Variants in CIAO1 observed in about 807,000 individuals in gnomAD.
CIAO1 encodes the protein cytosolic iron-sulfur assembly component 1.
In CIAO1, 32 loss-of-function variants were observed where a neutral mutation model predicts 43.1. That is an observed-to-expected ratio of 0.74 (90% CI 0.56 to 1.00). The LOEUF is 1.00. Among genes scored for constraint, CIAO1 ranks in the 50% least tolerant of loss-of-function variants. The probability of loss-of-function intolerance (pLI) is 0.00; values close to 1 mark genes in which losing one functional copy is unlikely to be tolerated. For missense variants in CIAO1, 415 were observed against 437.4 expected, an observed-to-expected ratio of 0.95 and a Z score of 0.46; for synonymous variants, 183 against 171.4, an observed-to-expected ratio of 1.07 and a Z score of -0.53.
rs1464676753 is a variant in CIAO1, at chr2:96,266,504, G to C, written c.139+15G>C. Reference sequence around the variant, plus strand: ...GGGCACGGAGGGTAAGGCCCAGCCTGGTTGCGCGGCCCTCAGCGCTGAGGG... The same window carrying C: ...GGGCACGGAGGGTAAGGCCCAGCCTCGTTGCGCGGCCCTCAGCGCTGAGGG... On this transcript the variant is annotated intron_variant, in intron 1 of 6. Transcript: ENST00000488633. 2.0e-6 allele frequency: 3 copies of C among 1,483,094 alleles called. No individual in the cohort carries two copies. In the Admixed American group the frequency reaches 6.2e-5, roughly 31 times the overall value. 91.9% of individuals were successfully genotyped at this position (1,483,094 alleles called of 1,614,324 possible).
Position 96,271,833 on chromosome 2 carries a change from A to C in CIAO1, c.*482A>C, listed in dbSNP as rs1170927686. On this transcript the variant is annotated 3_prime_UTR_variant, in exon 7 of 7. Coordinates refer to ENST00000488633, the MANE Select transcript of CIAO1 (RefSeq NM_004804.3). ...TTTGCATTTAAGACATCCAATCAAT[A>C]ATGAAGGAAATTTTTTTCTGAATGT... 1 of 155,318 alleles carries C rather than the reference A, an allele frequency of 6.4e-6. No homozygotes were observed. The highest frequency in any genetic ancestry group is 1.4e-5 in the Non-Finnish European group (1 of 70,156). The allele number at this position is 155,318 out of a possible 1,614,324, so 9.6% of individuals were successfully genotyped here.
chr2:96,267,603 C>T, intron 2 of CIAO1, 22 bp from the exon 3 acceptor site: 9 of 1,612,238 alleles, frequency 5.6e-6, no homozygotes, highest in Non-Finnish European at 7.6e-6. Context: ...TGTTAATTCT[C>T]ATTTTCTTTC....
In CIAO1 at chr2:96,271,339, T is replaced by G. The variant is rs1175477976; in HGVS notation, c.1008T>G (p.Pro336=). The G allele has an allele frequency of 6.2e-7, 1 of 1,613,886 alleles. No homozygotes were observed. The highest frequency in any genetic ancestry group is 2.2e-5 in the East Asian group (1 of 44,884). The change falls in exon 7 of 7, where the codon CCT becomes CCG. Residue 336 remains proline (P), a synonymous_variant. Transcript: ENST00000488633. ...TGGCCTTCTGGAAGTATCAGCGGCC[T>G]GAAGGCCTCTGAGCTACCTCGACTT... ...GEVAFWKYQR[P]EGL is the part of the protein sequence containing the mutation.
rs756996707 is a variant in CIAO1, at chr2:96,266,505, G to C, written c.139+16G>C. The C allele has an allele frequency of 2.7e-6, 4 of 1,482,436 alleles. No homozygotes were observed. In the South Asian group the frequency reaches 3.9e-5, roughly 14 times the overall value. The allele number at this position is 1,482,436 out of a possible 1,614,324, so 91.8% of individuals were successfully genotyped here. On this transcript the variant is annotated intron_variant, in intron 1 of 6. Transcript: ENST00000488633. ...GGCACGGAGGGTAAGGCCCAGCCTG[G>C]TTGCGCGGCCCTCAGCGCTGAGGGC... is the stretch of plus-strand genomic sequence containing the variant.
intron 2 of CIAO1, 53 bp downstream of exon 2, chr2:96,267,522 G>T: frequency 6.2e-7 from 1 of 1,610,488 alleles, no homozygotes. Context: ...CCCAGGGCTG[G>T]TTCAGGAACC....
Position 96,273,313 on chromosome 2 carries a change from A to G in CIAO1, c.*1962A>G, listed in dbSNP as rs1374808335. On this transcript the variant is annotated 3_prime_UTR_variant, in exon 7 of 7. Coordinates refer to ENST00000488633, the MANE Select transcript of CIAO1 (RefSeq NM_004804.3). ...AAGACAGGCCAGTGGATTTTAATGT[A>G]TTAACAATATAAGAGTGCATTAAGT... 1 of 152,238 alleles carries G rather than the reference A, an allele frequency of 6.6e-6. No homozygotes were observed. The highest frequency in any genetic ancestry group is 6.5e-5 in the Admixed American group (1 of 15,284). 9.4% of individuals were successfully genotyped at this position (152,238 alleles called of 1,614,324 possible).
At position 96,271,371 on chromosome 2, in the gene CIAO1, G is replaced by A. The variant is rs753689343; in HGVS notation, c.*20G>A. ...CTCTGAGCTACCTCGACTTTGGACAGAGTAATGACTCCCCAGAAAACGTCA... is the reference window on the plus strand; with the variant it reads ...CTCTGAGCTACCTCGACTTTGGACAAAGTAATGACTCCCCAGAAAACGTCA... On this transcript the variant is annotated 3_prime_UTR_variant, in exon 7 of 7. Transcript: ENST00000488633. The A allele has an allele frequency of 1.9e-6, 3 of 1,608,046 alleles. No homozygotes were observed. In the South Asian group the frequency reaches 3.3e-5, roughly 18 times the overall value.
chr2:96,267,993 C>G (rs1203504169), intron 4 of CIAO1, 69 bp downstream of exon 4: 40 of 1,262,318 alleles, frequency 3.2e-5, no homozygotes, highest in Non-Finnish European at 4.6e-6. Flanking sequence ...CCTTCCTCTG[C>G]TTTTCAGCCT....
rs1407340023 is a variant in CIAO1 at position 96,273,367 on chromosome 2, CTA to C, written c.*2018_*2019del. 2.0e-5 allele frequency: 3 copies of C among 152,164 alleles called. No individual in the cohort carries two copies. Among genetic ancestry groups the C allele is most frequent in the Non-Finnish European group, 2.9e-5 (2 of 68,048 alleles). The allele number at this position is 152,164 out of a possible 1,614,324, so 9.4% of individuals were successfully genotyped here. A position where few individuals can be genotyped will look rare whatever the true frequency, so the allele number is the denominator to read the frequency against. ...CGGAGTCTACATTGCCTTTAAGAAACTATGACTTGTAGTAAGCCGGGCGCGGT... is the reference window on the plus strand; with the variant it reads ...CGGAGTCTACATTGCCTTTAAGAAACTGACTTGTAGTAAGCCGGGCGCGGT... On this transcript the variant is annotated 3_prime_UTR_variant, in exon 7 of 7. Coordinates refer to ENST00000488633, the MANE Select transcript of CIAO1 (RefSeq NM_004804.3).
chr2:96,267,313 G>C lies in CIAO1; in HGVS notation c.140-8G>C. 6.2e-7 allele frequency: 1 copy of C among 1,610,414 alleles called. No homozygotes were observed. The highest frequency in any genetic ancestry group is 8.5e-7 in the Non-Finnish European group (1 of 1,177,368). ...AGCTCCAGAGCCTGGCCTGCGCTCCGCCTTTAGGTGACAGCTGGATCTGCA... is the reference window on the plus strand; with the variant it reads ...AGCTCCAGAGCCTGGCCTGCGCTCCCCCTTTAGGTGACAGCTGGATCTGCA... On this transcript the variant is annotated splice_region_variant and splice_polypyrimidine_tract_variant and intron_variant, in intron 1 of 6. Transcript: ENST00000488633.
rs1349122402 is a variant in CIAO1, at chr2:96,272,559, C to A, written c.*1208C>A. 6.6e-6 allele frequency: 1 copy of A among 152,216 alleles called. No individual in the cohort carries two copies. The highest frequency in any genetic ancestry group is 1.5e-5 in the Non-Finnish European group (1 of 68,106). 9.4% of individuals were successfully genotyped at this position (152,216 alleles called of 1,614,324 possible). ...AGCGCAGTGGCTCATGCCTGTAATC[C>A]CAGCACTTTGGGAGGCTGAGGCGGG... is the stretch of plus-strand genomic sequence containing the variant. On this transcript the variant is annotated 3_prime_UTR_variant, in exon 7 of 7. Coordinates refer to ENST00000488633, the MANE Select transcript of CIAO1 (RefSeq NM_004804.3).
chr2:96,271,312 G>A lies in CIAO1; in HGVS notation c.981G>A (p.Glu327=), dbSNP rs772821687. 2.5e-6 allele frequency: 4 copies of A among 1,614,184 alleles called. No individual in the cohort carries two copies. In the South Asian group the frequency reaches 4.4e-5, roughly 18 times the overall value. ...TGGCCTCCTGCAGTGATGATGGGGAGGTGGCCTTCTGGAAGTATCAGCGGC... is the reference window on the plus strand; with the variant it reads ...TGGCCTCCTGCAGTGATGATGGGGAAGTGGCCTTCTGGAAGTATCAGCGGC... ...GLLASCSDDG[E]VAFWKYQRPE... Residue 327 remains glutamate, a synonymous_variant, in exon 7 of 7, where the codon GAG becomes GAA. Coordinates refer to ENST00000488633, the MANE Select transcript of CIAO1 (RefSeq NM_004804.3).
In CIAO1 at chr2:96,271,337, CCTGAAGGCCT is replaced by C. The variant is rs1417266593; in HGVS notation, c.1011_1020del (p.Gly338LeufsTer8). ...GGTGGCCTTCTGGAAGTATCAGCGG[CCTGAAGGCCT>C]CTGAGCTACCTCGACTTTGGACAGA... On this transcript the variant is annotated frameshift_variant, in exon 7 of 7. Transcript: ENST00000488633. LOFTEE classifies it high-confidence loss of function. 1.2e-6 allele frequency: 2 copies of C among 1,613,948 alleles called. No homozygotes were observed. The highest frequency in any genetic ancestry group is 3.3e-5 in the Admixed American group (2 of 60,032).
At chr2:96,267,212 A>T (rs1046687275) in intron 1 of CIAO1, 109 bp from the exon 2 acceptor site, 1 of 1,066,846 alleles carries the variant, frequency 9.4e-7, no homozygotes, top group African/African-American at 1.6e-5. Flanking sequence ...TGTGAAATAC[A>T]CTCCCTGAGC....
intron 6 of CIAO1, 38 bp from the exon 7 acceptor site, chr2:96,271,069 CTAAT>C (rs942072021): frequency 1.8e-5 from 29 of 1,611,344 alleles, no homozygotes; most frequent in Middle Eastern, 1.6e-4. Flanking sequence ...TCTCTCTGGC[CTAAT>C]TAGTCAGGTA....
chr2:96,267,148 A>G (rs1684448624), intron 1 of CIAO1, 173 bp from the exon 2 acceptor site: 2 of 549,894 alleles, frequency 3.6e-6, no homozygotes, highest in Non-Finnish European at 2.9e-6. Context: ...AAAAAAAAAA[A>G]AAAAAAAAAA....
chr2:96,272,196 C>T lies in CIAO1; in HGVS notation c.*845C>T, dbSNP rs1388727516. The stretch of plus-strand genomic sequence containing the variant: ...ATTTAAACCAGTTGAGAAACACTGC[C>T]ATCAGCAGGCAGTTTCAGACTCACT... On this transcript the variant is annotated 3_prime_UTR_variant, in exon 7 of 7. Coordinates refer to ENST00000488633, the MANE Select transcript of CIAO1 (RefSeq NM_004804.3). The T allele has an allele frequency of 6.6e-6, 1 of 152,228 alleles. No homozygotes were observed. The highest frequency in any genetic ancestry group is 1.5e-5 in the Non-Finnish European group (1 of 68,036). The allele number at this position is 152,228 out of a possible 1,614,324, so 9.4% of individuals were successfully genotyped here.
At position 96,273,509 on chromosome 2, in the gene CIAO1, A is replaced by C. The variant is rs1684594258; in HGVS notation, c.*2158A>C. 6.6e-6 allele frequency among the ~76,000 whole-genome samples: 1 copy of C among 151,782 alleles called. No homozygotes were observed. The highest frequency in any genetic ancestry group is 2.4e-5 in the African/African-American group (1 of 41,282). On this transcript the variant is annotated 3_prime_UTR_variant, in exon 7 of 7. Transcript: ENST00000488633. The stretch of plus-strand genomic sequence containing the variant: ...AAAGTCCGTCTCTACTAAAATTACA[A>C]AAATTAGCCGGGCGTGGTGGCAGAT...
chr2:96,268,027 C>A, intron 4 of CIAO1, 103 bp downstream of exon 4: 1 of 949,620 alleles, frequency 1.1e-6, no homozygotes, highest in Non-Finnish European at 1.7e-6. Context: ...ACGGAGAGTT[C>A]CATCTGTGAA....
Sources: allele counts gnomAD v4.1 joint callset (sites outside exome capture counted in the v4.1 genomes callset), GRCh38; gene constraint gnomAD v4.1.1; transcripts MANE v1.5; gene names NCBI Gene and HGNC (gene_info 2026-07-23, HGNC 2026-07-21).